Variants in CLIP2 observed in about 807,000 individuals in gnomAD.
CLIP2 encodes CAP-Gly domain containing linker protein 2.
In CLIP2, 41 loss-of-function variants were observed where a neutral mutation model predicts 111.7. That is an observed-to-expected ratio of 0.37 (90% confidence interval 0.29 to 0.48). The LOEUF (loss-of-function observed/expected upper bound fraction) is 0.48, where lower values mean the gene tolerates loss of function less well. Among genes scored for constraint, CLIP2 ranks in the 20% least tolerant of loss-of-function variants. The pLI, the probability that CLIP2 is intolerant of heterozygous loss-of-function variation, is 0.99. For synonymous variants in CLIP2, 660 were observed against 644.2 expected (o/e 1.02, Z -0.37); for missense variants, 1,160 against 1,422.1 (o/e 0.82, Z 2.96).
chr7:74,342,506 C>T (rs1789685090), intron 3 of CLIP2, among the ~76,000 whole-genome samples: 1 of 152,196 alleles, frequency 6.6e-6, no homozygotes, highest in Admixed American at 6.6e-5. Flanking sequence ...TGGGATGGAG[C>T]CAGGGCTTTG....
intron 10 of CLIP2, among the ~76,000 whole-genome samples, chr7:74,377,451 C>T (rs1554313187): frequency 6.6e-6 from 1 of 152,238 alleles, no homozygotes; most frequent in African/African-American, 2.4e-5. Context: ...TCTACCCCTT[C>T]TTCCTTCAGC....
chr7:74,293,677 G>C, intron 1 of CLIP2, among the ~76,000 whole-genome samples: 1 of 152,298 alleles, frequency 6.6e-6, no homozygotes. Flanking sequence ...ATGAGCTGAT[G>C]GGGGAGGCAG....
At chr7:74,293,371 CCTT>C (rs1343962441) in intron 1 of CLIP2, among the ~76,000 whole-genome samples, 2 of 152,170 alleles carry the variant, frequency 1.3e-5, no homozygotes, top group African/African-American at 4.8e-5. Context: ...TGTCCCGTCT[CCTT>C]CTCCTTTCCC....
chr7:74,373,413 G>A (rs948844543), intron 9 of CLIP2, among the ~76,000 whole-genome samples: 5 of 152,160 alleles, frequency 3.3e-5, no homozygotes, highest in Admixed American at 6.5e-5. Context: ...CAGGAGAATC[G>A]CTTGAACCTG....
intron 1 of CLIP2, among the ~76,000 whole-genome samples, chr7:74,306,417 CG>C (rs1564028286): frequency 6.6e-6 from 1 of 152,162 alleles, no homozygotes. Flanking sequence ...CCTGCCCCTC[CG>C]GGAGAGAGCC....
chr7:74,340,070 G>A (rs1789614688), intron 3 of CLIP2, among the ~76,000 whole-genome samples: 1 of 151,858 alleles, frequency 6.6e-6, no homozygotes, highest in African/African-American at 2.4e-5. Flanking sequence ...CTCCAGCTTG[G>A]GTGACAGAGC....
chr7:74,291,761 A>G (rs1788025948), intron 1 of CLIP2, among the ~76,000 whole-genome samples: 1 of 151,966 alleles, frequency 6.6e-6, no homozygotes, highest in Non-Finnish European at 1.5e-5. Flanking sequence ...GCCTCACTGC[A>G]GCCTCCTCCC....
intron 3 of CLIP2, among the ~76,000 whole-genome samples, chr7:74,346,727 A>C (rs1789806271): frequency 1.1e-5 from 1 of 94,188 alleles, no homozygotes; most frequent in African/African-American, 2.8e-5. Context: ...TCAAAAAAAA[A>C]AAAAAAAAAA....
intron 6 of CLIP2, among the ~76,000 whole-genome samples, 167 bp from the exon 7 acceptor site, chr7:74,360,008 C>G (rs782414566): frequency 3.3e-5 from 5 of 152,190 alleles, no homozygotes; most frequent in African/African-American, 4.8e-5. Flanking sequence ...ACTGGGTCCC[C>G]TCCTTCACAC....
Position 74,315,648 on chromosome 7 carries a change from G to GCAGC in CLIP2, c.-67-1830_-67-1827dup, listed in dbSNP as rs1337257851. ...TGCAGTGGTGCGATCTCGGCTCACT[G>GCAGC]CAGCCTCCTCCTCCTGGGTTCAAGT... On this transcript the variant is annotated intron_variant, in intron 1 of 16. Coordinates refer to ENST00000223398, the MANE Select transcript of CLIP2 (RefSeq NM_003388.5). Among the ~76,000 whole-genome samples, 392 of 151,754 alleles carry GCAGC rather than the reference G, an allele frequency of 2.6e-3. 2 individuals carry two copies. Among genetic ancestry groups the GCAGC allele is most frequent in the African/African-American group, 9.3e-3 (383 of 41,388 alleles).
chr7:74,357,201 A>G, intron 5 of CLIP2, 79 bp from the exon 6 acceptor site: 6 of 1,315,250 alleles, frequency 4.6e-6, no homozygotes, highest in Non-Finnish European at 6.5e-6. Context: ...ATGTTGCTGT[A>G]GATTAGGCTG....
At chr7:74,315,351 CT>C (rs56948462) in intron 1 of CLIP2, among the ~76,000 whole-genome samples, 89 of 147,334 alleles carry the variant, frequency 6.0e-4, no homozygotes, top group Non-Finnish European at 4.8e-4. Context: ...GCATCACACA[CT>C]TTTTTTTTTT....
intron 1 of CLIP2, among the ~76,000 whole-genome samples, chr7:74,305,516 C>T (rs983388933): frequency 1.8e-4 from 28 of 152,156 alleles, no homozygotes; most frequent in African/African-American, 3.9e-4. Flanking sequence ...GTTTTTGAGA[C>T]GGAGTCTCAC....
At chr7:74,384,348 C>T (rs946767272) in intron 11 of CLIP2, among the ~76,000 whole-genome samples, 3 of 151,796 alleles carry the variant, frequency 2.0e-5, no homozygotes, top group African/African-American at 7.3e-5. Context: ...GTGAATGATG[C>T]TGCTAAGAAC....
chr7:74,293,434 C>T (rs1194164449), intron 1 of CLIP2, among the ~76,000 whole-genome samples: 1 of 152,134 alleles, frequency 6.6e-6, no homozygotes, highest in Admixed American at 6.5e-5. Flanking sequence ...TTGAATGGGG[C>T]TGTAGCCTGA....
chr7:74,340,335 T>TGAAC (rs1789623136), intron 3 of CLIP2, among the ~76,000 whole-genome samples: 1 of 147,296 alleles, frequency 6.8e-6, no homozygotes, highest in Non-Finnish European at 1.5e-5. Flanking sequence ...GGCAGAGGTT[T>TGAAC]CAGTGAGCCG....
At chr7:74,328,458 G>A (rs533114537) in intron 2 of CLIP2, among the ~76,000 whole-genome samples, 32 of 152,254 alleles carry the variant, frequency 2.1e-4, no homozygotes, top group African/African-American at 7.2e-4. Flanking sequence ...GAGGGGAGTT[G>A]GTGTGAGTCC....
chr7:74,303,204 G>T (rs1413655377), intron 1 of CLIP2, among the ~76,000 whole-genome samples: 6 of 152,240 alleles, frequency 3.9e-5, no homozygotes, highest in African/African-American at 7.2e-5. Flanking sequence ...AGGATGTGGA[G>T]ACTCTAGCTT....
rs569284498 is a variant in CLIP2, at chr7:74,377,504, G to A, written c.2421+682G>A. ...CCCCTCTGAGGAGGTCAACACCCAGGTGGGCTGTGCCCACTCCACCAGGGC... is the reference window on the plus strand; with the variant it reads ...CCCCTCTGAGGAGGTCAACACCCAGATGGGCTGTGCCCACTCCACCAGGGC... On this transcript the variant is annotated intron_variant, in intron 10 of 16. Transcript: ENST00000223398. Among the ~76,000 whole-genome samples the A allele has an allele frequency of 1.7e-4, 26 of 152,300 alleles. 1 individual carries two copies. The South Asian group carries it at 4.4e-3, about 25-fold the overall frequency.
Sources: gnomAD v4.1 joint callset for allele counts (sites outside exome capture counted in the v4.1 genomes callset) on GRCh38, gnomAD v4.1.1 for gene constraint, MANE v1.5 for transcripts, NCBI Gene and HGNC (gene_info 2026-07-23, HGNC 2026-07-21) for gene names.